Variants in SYCP2 observed in about 807,000 individuals in gnomAD.
SYCP2 encodes the protein synaptonemal complex lateral element protein.
In SYCP2, 55 loss-of-function variants were observed where a neutral mutation model predicts 211.3. The ratio of observed to expected loss-of-function variants is 0.26; its 90% CI spans 0.21 to 0.33. The LOEUF is 0.33. Among genes scored for constraint, SYCP2 ranks in the 10% least tolerant of loss-of-function variants. The pLI is 1.00. For missense variants in SYCP2, 1,731 were observed against 1,752.0 expected (o/e 0.99, Z 0.21); for synonymous variants, 570 against 555.2 (o/e 1.03, Z -0.37).
At chr20:59,924,105 T>C (rs1972686054) in intron 2 of SYCP2, among the ~76,000 whole-genome samples, 1 of 151,916 alleles carries the variant, frequency 6.6e-6, no homozygotes, top group Non-Finnish European at 1.5e-5. Flanking sequence ...ATGTGAAAGA[T>C]GTCCTCTCTA....
rs193073207 is a variant in SYCP2 at position 59,877,609 on chromosome 20, C to T, written c.2980-54G>A. On this transcript the variant is annotated intron_variant, in intron 32 of 44. Coordinates refer to ENST00000357552, the MANE Select transcript of SYCP2 (RefSeq NM_014258.4). ...ATCAATATTTGAGGTACAAGAAATA[C>T]AAGCAATTTGCTATAAAATTGGCAC... is the stretch of plus-strand genomic sequence containing the variant. The T allele has an allele frequency of 3.7e-5, 54 of 1,469,376 alleles. No homozygotes were observed. In the Middle Eastern group the frequency reaches 1.2e-3, roughly 32 times the overall value. The allele number at this position is 1,469,376 out of a possible 1,614,324, so 91.0% of individuals were successfully genotyped here.
chr20:59,877,411 A>C lies in SYCP2; in HGVS notation c.3124T>G (p.Ser1042Ala). The change falls in exon 33 of 45, where the codon TCA becomes GCA. Residue 1042 changes from serine to alanine, a missense_variant. By Grantham distance (99) the Ser-to-Ala change is moderately conservative. Coordinates refer to ENST00000357552, the MANE Select transcript of SYCP2 (RefSeq NM_014258.4). The stretch of plus-strand genomic sequence containing the variant: ...TTTACTGGTATGTTCTCTTTAAATG[A>C]ATGTGAAAATTCTTGTTCACACTCT... ...ESECEQEFSH[S>A]FKENIPVKEE... is the part of the protein sequence containing the mutation. The C allele has an allele frequency of 6.3e-7, 1 of 1,590,718 alleles. No homozygotes were observed. The highest frequency in any genetic ancestry group is 2.2e-5 in the East Asian group (1 of 44,472).
chr20:59,912,787 GT>G (rs1346274296), intron 12 of SYCP2, among the ~76,000 whole-genome samples: 2 of 152,190 alleles, frequency 1.3e-5, no homozygotes, highest in African/African-American at 4.8e-5. Flanking sequence ...CATGAGGGCA[GT>G]TTCTCCCACA....
chr20:59,863,822 AG>A lies in SYCP2; in HGVS notation c.*488del, dbSNP rs2059279126. 6.6e-6 allele frequency: 1 copy of A among 152,062 alleles called. No individual in the cohort carries two copies. Among genetic ancestry groups the A allele is most frequent in the African/African-American group, 2.4e-5 (1 of 41,442 alleles). The allele number at this position is 152,062 out of a possible 1,614,324, so 9.4% of individuals were successfully genotyped here. On this transcript the variant is annotated 3_prime_UTR_variant, in exon 45 of 45. Transcript: ENST00000357552. ...CCATATCTGAATAAATGTTTCCAAC[AG>A]TGTGCTGAAAGTACTGATCTACCAC...
At chr20:59,898,522 G>A (rs947588280) in intron 18 of SYCP2, among the ~76,000 whole-genome samples, 2 of 152,066 alleles carry the variant, frequency 1.3e-5, no homozygotes, top group Non-Finnish European at 2.9e-5. Flanking sequence ...AAGAACACAT[G>A]AACACAGGGA....
chr20:59,908,475 C>T (rs1054061081), intron 14 of SYCP2, among the ~76,000 whole-genome samples: 79 of 152,222 alleles, frequency 5.2e-4, no homozygotes, highest in African/African-American at 1.8e-3. Context: ...TCTAAGTTTT[C>T]CCCAAGGCTT....
chr20:59,878,447 CCTTTA>C (rs781463047), intron 31 of SYCP2, among the ~76,000 whole-genome samples: 5 of 152,186 alleles, frequency 3.3e-5, no homozygotes, highest in Middle Eastern at 3.4e-3. Context: ...TCCTCCCTCT[CCTTTA>C]TTTTATAGAA....
chr20:59,895,519 G>A lies in SYCP2; in HGVS notation c.1583C>T (p.Thr528Ile). The change falls in exon 20 of 45, where the codon ACA becomes ATA. Residue 528 changes from threonine (T) to isoleucine (I), a missense_variant. By Grantham distance (89) the Thr-to-Ile change is moderately conservative. This residue lies in a region of SYCP2 where 1,387 missense variants were observed against 1,351.3 expected (regional missense o/e 1.03). Coordinates refer to ENST00000357552, the MANE Select transcript of SYCP2 (RefSeq NM_014258.4). ...AGCATTATCCACTCTATTTTCTGAT[G>A]TTTGAGAAACACTAGGTTTCTCTGC... Reference protein sequence around the residue: ...SSAEKPSVSQTSENRVDNAAS... With the variant: ...SSAEKPSVSQISENRVDNAAS... The A allele has an allele frequency of 6.2e-7, 1 of 1,613,050 alleles. No individual in the cohort carries two copies. Among genetic ancestry groups the A allele is most frequent in the Non-Finnish European group, 8.5e-7 (1 of 1,179,344 alleles).
intron 33 of SYCP2, 100 bp from the exon 34 acceptor site, chr20:59,875,569 T>TA: frequency 4.5e-6 from 4 of 879,984 alleles, no homozygotes; most frequent in Non-Finnish European, 6.8e-6. Context: ...ATGTTGTATA[T>TA]TACCACATAC....
At chr20:59,891,827 G>A (rs2059912382) in intron 24 of SYCP2, among the ~76,000 whole-genome samples, 163 bp downstream of exon 24, 1 of 151,866 alleles carries the variant, frequency 6.6e-6, no homozygotes, top group Non-Finnish European at 1.5e-5. Flanking sequence ...TCAGAGCTAC[G>A]ACAAGGGAGA....
intron 43 of SYCP2, 38 bp from the exon 44 acceptor site, chr20:59,865,482 C>T (rs117421720): frequency 0.028 from 44,349 of 1,590,098 alleles, 723 homozygotes; most frequent in Non-Finnish European, 0.031. Context: ...ATGAAATTTA[C>T]CATAAAGTTT....
chr20:59,918,188 T>C (rs901199102), intron 7 of SYCP2, among the ~76,000 whole-genome samples: 1 of 152,190 alleles, frequency 6.6e-6, no homozygotes, highest in East Asian at 1.9e-4. Flanking sequence ...TATTGCTGAA[T>C]ACTGAATGGC....
At position 59,921,582 on chromosome 20, in the gene SYCP2, A is replaced by AT. The variant is rs759092465; in HGVS notation, c.25-130dup. The AT allele has an allele frequency of 3.7e-4, 207 of 556,108 alleles. 1 individual carries two copies. Among genetic ancestry groups the AT allele is most frequent in the Middle Eastern group, 5.4e-4 (1 of 1,860 alleles). 34.4% of individuals were successfully genotyped at this position (556,108 alleles called of 1,614,324 possible). A position where few individuals can be genotyped will look rare whatever the true frequency, so the allele number is the denominator to read the frequency against. On this transcript the variant is annotated intron_variant, in intron 3 of 44. Transcript: ENST00000357552. ...GAACTCATAAAATATTAATTCACGT[A>AT]TTTTTTAAAAATATGGCCACTATTA... is the stretch of plus-strand genomic sequence containing the variant.
At chr20:59,877,951 A>T in intron 32 of SYCP2, 57 bp downstream of exon 32, 2 of 1,328,692 alleles carry the variant, frequency 1.5e-6, no homozygotes, top group African/African-American at 1.5e-5. Context: ...AATTATTTTT[A>T]TATGGCAAGA....
chr20:59,868,989 C>T (rs2059401319), intron 36 of SYCP2, 64 bp from the exon 37 acceptor site: 8 of 1,234,056 alleles, frequency 6.5e-6, no homozygotes, highest in Non-Finnish European at 9.2e-6. Context: ...CATTTTATCA[C>T]CTTTCTCAAA....
chr20:59,912,021 T>A (rs892730812), intron 13 of SYCP2, 176 bp from the exon 14 acceptor site: 4 of 436,118 alleles, frequency 9.2e-6, no homozygotes, highest in African/African-American at 6.1e-5. Flanking sequence ...AATGCTACTT[T>A]AATATTTTAT....
At chr20:59,927,639 AC>A (rs1224814267) in intron 2 of SYCP2, among the ~76,000 whole-genome samples, 1 of 152,172 alleles carries the variant, frequency 6.6e-6, no homozygotes, top group African/African-American at 2.4e-5. Context: ...AATTAAGTGA[AC>A]AAAAAGCTAG....
Position 59,880,336 on chromosome 20 carries a change from T to C in SYCP2, c.2908A>G (p.Lys970Glu). The C allele has an allele frequency of 6.3e-7, 1 of 1,592,036 alleles. No homozygotes were observed. Among genetic ancestry groups the C allele is most frequent in the Non-Finnish European group, 8.6e-7 (1 of 1,167,182 alleles). Residue 970 changes from lysine (K) to glutamate (E), a missense_variant, in exon 31 of 45, where the codon AAA becomes GAA. This residue lies in a region of SYCP2 where 1,387 missense variants were observed against 1,351.3 expected (regional missense o/e 1.03). Transcript: ENST00000357552. ...CCACTTTTATGATTCTTCACATTTT[T>C]ATTTCTGCTATAGTCTATTAGCTGT... ...KPQLIDYSRN[K>E]NVKNHKSGKS... is the part of the protein sequence containing the mutation.
At chr20:59,931,844 A>T (rs1201455175) in intron 2 of SYCP2, among the ~76,000 whole-genome samples, 1 of 152,208 alleles carries the variant, frequency 6.6e-6, no homozygotes, top group South Asian at 2.1e-4. Flanking sequence ...AGGCCACAAT[A>T]GAGTCAAAAG....
Sources: allele counts gnomAD v4.1 joint callset (sites outside exome capture counted in the v4.1 genomes callset), GRCh38; gene constraint gnomAD v4.1.1; regional missense constraint gnomAD v4.1.1; transcripts MANE v1.5; gene names NCBI Gene and HGNC (gene_info 2026-07-23, HGNC 2026-07-21).